Variants in COQ10A observed in about 807,000 individuals in gnomAD.
COQ10A encodes the protein coenzyme Q-binding protein COQ10 homolog A, mitochondrial.
Under a neutral mutation model 26.1 loss-of-function variants are expected in COQ10A, and 25 were observed. The observed-to-expected ratio is 0.96, with a 90% CI of 0.70 to 1.34. The LOEUF is 1.34. Among genes scored for constraint, COQ10A ranks in the 40% most tolerant of loss-of-function variants. The probability of loss-of-function intolerance (pLI) is 0.00; values close to 1 mark genes in which losing one functional copy is unlikely to be tolerated. For synonymous variants in COQ10A, 132 were observed against 124.0 expected, an observed-to-expected ratio of 1.06 and a Z score of -0.43; for missense variants, 312 against 335.4, an observed-to-expected ratio of 0.93 and a Z score of 0.54.
intron 3 of COQ10A, 63 bp from the exon 4 acceptor site, chr12:56,269,392 TTTCAA>T (rs1872441356): frequency 1.4e-6 from 2 of 1,474,004 alleles, no homozygotes; most frequent in Non-Finnish European, 9.5e-7. Flanking sequence ...GGAAAATGGC[TTTCAA>T]TTCCTTTATA....
At chr12:56,267,655 T>C in intron 1 of COQ10A, 139 bp from the exon 2 acceptor site, 1 of 1,292,668 alleles carries the variant, frequency 7.7e-7, no homozygotes, top group Non-Finnish European at 1.1e-6. Flanking sequence ...AGAGAGAGCC[T>C]AGCGGGCTGC....
In COQ10A at chr12:56,270,482, G is replaced by T; in HGVS notation, c.*165G>T. 1 of 736,654 alleles carries T rather than the reference G, an allele frequency of 1.4e-6. No individual in the cohort carries two copies. The highest frequency in any genetic ancestry group is 2.8e-5 in the East Asian group (1 of 36,104). 45.6% of individuals were successfully genotyped at this position (736,654 alleles called of 1,614,324 possible). A position where few individuals can be genotyped will look rare whatever the true frequency, so the allele number is the denominator to read the frequency against. On this transcript the variant is annotated 3_prime_UTR_variant, in exon 5 of 5. Coordinates refer to ENST00000308197, the MANE Select transcript of COQ10A (RefSeq NM_144576.4). ...GGTTCTATGCTGGCTGGAAATGTTG[G>T]GGGAAAGAGAAGGCAAAGGATGTGG...
rs1404554811 is a variant in COQ10A, at chr12:56,267,956, C to T, written c.281+16C>T. 1 of 1,613,416 alleles carries T rather than the reference C, an allele frequency of 6.2e-7. No individual in the cohort carries two copies. Among genetic ancestry groups the T allele is most frequent in the East Asian group, 2.2e-5 (1 of 44,868 alleles). On this transcript the variant is annotated intron_variant, in intron 2 of 4. Coordinates refer to ENST00000308197, the MANE Select transcript of COQ10A (RefSeq NM_144576.4). ...GAATCATGGGGTAAGCATTCTCTGC[C>T]TTGCATCCTTGCACCTCCCTTTTCC...
chr12:56,270,045 G>T, intron 4 of COQ10A, 105 bp from the exon 5 acceptor site: 1 of 1,169,970 alleles, frequency 8.5e-7, no homozygotes. Flanking sequence ...CCACGAACTG[G>T]ATGGGGAGGG....
chr12:56,268,791 T>C, intron 2 of COQ10A: 1 of 372,852 alleles, frequency 2.7e-6, no homozygotes, highest in Non-Finnish European at 4.9e-6. Context: ...CCAGTAAAAC[T>C]GACAGCCTCT....
rs938522809 is a variant in COQ10A at position 56,270,481 on chromosome 12, G to A, written c.*164G>A. On this transcript the variant is annotated 3_prime_UTR_variant, in exon 5 of 5. Coordinates refer to ENST00000308197, the MANE Select transcript of COQ10A (RefSeq NM_144576.4). ...GGGTTCTATGCTGGCTGGAAATGTTGGGGGAAAGAGAAGGCAAAGGATGTG... is the reference window on the plus strand; with the variant it reads ...GGGTTCTATGCTGGCTGGAAATGTTAGGGGAAAGAGAAGGCAAAGGATGTG... The A allele has an allele frequency of 2.7e-5, 20 of 731,918 alleles. No homozygotes were observed. In the African/African-American group the frequency reaches 3.2e-4, roughly 12 times the overall value. 45.3% of individuals were successfully genotyped at this position (731,918 alleles called of 1,614,324 possible).
rs770238928 is a variant in COQ10A, at chr12:56,267,183, G to T, written c.65G>T (p.Arg22Leu). 1.3e-5 allele frequency: 18 copies of T among 1,369,276 alleles called. No homozygotes were observed. The highest frequency in any genetic ancestry group is 3.4e-5 in the South Asian group (2 of 58,306). The allele number at this position is 1,369,276 out of a possible 1,614,324, so 84.8% of individuals were successfully genotyped here. ...CGCGCGGCAGCCGAGCGCTGCTGCCGGCTCTCGCTCAGCCCGGGCGCGCAA... is the reference window on the plus strand; with the variant it reads ...CGCGCGGCAGCCGAGCGCTGCTGCCTGCTCTCGCTCAGCCCGGGCGCGCAA... ...GTRAAAERCC[R>L]LSLSPGAQPA... The change falls in exon 1 of 5, where the codon CGG becomes CTG. Residue 22 changes from arginine to leucine, a missense_variant. Coordinates refer to ENST00000308197, the MANE Select transcript of COQ10A (RefSeq NM_144576.4).
chr12:56,267,905 CA>C lies in COQ10A; in HGVS notation c.248del (p.Lys83SerfsTer48), dbSNP rs1440363329. The C allele has an allele frequency of 1.4e-5, 22 of 1,614,072 alleles. 1 individual carries two copies. Among genetic ancestry groups the C allele is most frequent in the Non-Finnish European group, 1.7e-5 (20 of 1,180,042 alleles). On this transcript the variant is annotated frameshift_variant, in exon 2 of 5. Transcript: ENST00000308197. LOFTEE classifies it high-confidence loss of function. ...FMGFAAPFTN[K>X]RKAYSERRIM... ...TGGGATTTGCTGCTCCCTTCACCAA[CA>C]AGCGAAAGGCTTACTCGGAGCGTAG...
Position 56,269,878 on chromosome 12 carries a change from T to A in COQ10A, c.577-272T>A, listed in dbSNP as rs372532036. ...CTGGCCTCAGGTGATCCGTCCGCCT[T>A]GGCCTCCCAAAGTGCTGGGATTACA... On this transcript the variant is annotated intron_variant, in intron 4 of 4. Coordinates refer to ENST00000308197, the MANE Select transcript of COQ10A (RefSeq NM_144576.4). 57 of 527,714 alleles carry A rather than the reference T, an allele frequency of 1.1e-4. 1 individual carries two copies. The highest frequency in any genetic ancestry group is 3.6e-4 in the Admixed American group (11 of 30,758). The allele number at this position is 527,714 out of a possible 1,614,324, so 32.7% of individuals were successfully genotyped here.
At chr12:56,268,746 T>G in intron 2 of COQ10A, 1 of 248,594 alleles carries the variant, frequency 4.0e-6, no homozygotes, top group South Asian at 1.1e-4. Context: ...TGTTAAAAAA[T>G]TGTTAAGAGC....
In COQ10A at chr12:56,269,162, C is replaced by A; in HGVS notation, c.385C>A (p.His129Asn). ...TCTGGTGGTATCCAGCCGTAAGGGT[C>A]ATTTGAAAGCCCAGCTGGAGGTTGG... ...KSLVVSSRKG[H>N]LKAQLEVGFP... The change falls in exon 3 of 5, where the codon CAT (histidine) becomes AAT (asparagine). Residue 129 changes from histidine (H) to asparagine (N), a missense_variant. Physicochemically the swap from His to Asn is moderately conservative, Grantham distance 68 (BLOSUM62 1). Coordinates refer to ENST00000308197, the MANE Select transcript of COQ10A (RefSeq NM_144576.4). 2 of 1,614,116 alleles carry A rather than the reference C, an allele frequency of 1.2e-6. No homozygotes were observed. Among genetic ancestry groups the A allele is most frequent in the Non-Finnish European group, 1.7e-6 (2 of 1,180,008 alleles).
In COQ10A at chr12:56,270,374, ATTT is replaced by A. The variant is rs1665093589; in HGVS notation, c.*58_*60del. On this transcript the variant is annotated 3_prime_UTR_variant, in exon 5 of 5. Coordinates refer to ENST00000308197, the MANE Select transcript of COQ10A (RefSeq NM_144576.4). The stretch of plus-strand genomic sequence containing the variant: ...CCCCACTTCCCTACACAATTCTCTT[ATTT>A]ATTTGGTTTGGCTCCTGTTCCAATT... 6.5e-7 allele frequency: 1 copy of A among 1,540,518 alleles called. No individual in the cohort carries two copies. Among genetic ancestry groups the A allele is most frequent in the Non-Finnish European group, 8.8e-7 (1 of 1,130,316 alleles).
At chr12:56,268,042 C>T (rs946411831) in intron 2 of COQ10A, 102 bp downstream of exon 2, 2 of 1,408,512 alleles carry the variant, frequency 1.4e-6, no homozygotes, top group Non-Finnish European at 2.0e-6. Flanking sequence ...AGATTCATCC[C>T]TAGCCATCCC....
Position 56,270,272 on chromosome 12 carries a change from A to G in COQ10A, c.699A>G (p.Thr233=), listed in dbSNP as rs997423432. 6 of 1,614,056 alleles carry G rather than the reference A, an allele frequency of 3.7e-6. No homozygotes were observed. The Admixed American group carries it at 6.7e-5, about 18-fold the overall frequency. The change falls in exon 5 of 5, where the codon ACA becomes ACG. Residue 233 remains threonine (T), a synonymous_variant. Coordinates refer to ENST00000308197, the MANE Select transcript of COQ10A (RefSeq NM_144576.4). ...CAGCCACCAAGTTTGGTCCAGAAAC[A>G]GCCATCCCCCGTGAACTGATGTTCC... ...RRAATKFGPE[T]AIPRELMFHE... is the part of the protein sequence containing the mutation.
Position 56,269,468 on chromosome 12 carries a change from T to C in COQ10A, c.483T>C (p.Cys161=), listed in dbSNP as rs763005712. 1 of 1,613,748 alleles carries C rather than the reference T, an allele frequency of 6.2e-7. No homozygotes were observed. The highest frequency in any genetic ancestry group is 1.1e-5 in the South Asian group (1 of 91,082). The change falls in exon 4 of 5, where the codon TGT becomes TGC. Residue 161 remains cysteine, a synonymous_variant. Coordinates refer to ENST00000308197, the MANE Select transcript of COQ10A (RefSeq NM_144576.4). ...MVKPHMVKAV[C]TDGKLFNHLE... ...TGATTACCCTATTCTAGGCTGTTTG[T>C]ACTGATGGCAAGCTCTTCAACCACT...
At chr12:56,268,741 A>T (rs1872422315) in intron 2 of COQ10A, 1 of 243,464 alleles carries the variant, frequency 4.1e-6, no homozygotes, top group Non-Finnish European at 8.0e-6. Context: ...CACATTGTTA[A>T]AAAATTGTTA....
chr12:56,267,970 C>A (rs369484159), intron 2 of COQ10A, 30 bp downstream of exon 2: 2 of 1,611,454 alleles, frequency 1.2e-6, no homozygotes, highest in Non-Finnish European at 1.7e-6. Flanking sequence ...CATCCTTGCA[C>A]CTCCCTTTTC....
At chr12:56,268,995 C>T in intron 2 of COQ10A, 64 bp from the exon 3 acceptor site, 1 of 1,370,548 alleles carries the variant, frequency 7.3e-7, no homozygotes, top group South Asian at 1.2e-5. Context: ...GAATTAGGGG[C>T]CTATAGCAAG....
At chr12:56,270,002 T>C (rs1872465418) in intron 4 of COQ10A, 148 bp from the exon 5 acceptor site, 1 of 730,856 alleles carries the variant, frequency 1.4e-6, no homozygotes. Flanking sequence ...TCGTACTCCG[T>C]GCTCAGTCCC....
Sources: gnomAD v4.1 joint callset for allele counts on GRCh38, gnomAD v4.1.1 for gene constraint, MANE v1.5 for transcripts, NCBI Gene and HGNC (gene_info 2026-07-23, HGNC 2026-07-21) for gene names.